TP73: variants seen among roughly 807,000 people sequenced by gnomAD.
The protein encoded by TP73 is tumor protein p73.
TP73 carries 25 observed loss-of-function variants against 62.5 expected under a neutral mutation model. That is an observed-to-expected ratio of 0.40 (90% CI 0.29 to 0.56). The LOEUF (loss-of-function observed/expected upper bound fraction) is 0.56, where lower values mean the gene tolerates loss of function less well. Ranked by LOEUF, TP73 falls within the 20% of genes least tolerant of loss-of-function variation. The pLI is 0.46. For missense variants in TP73, 754 were observed against 913.3 expected, an observed-to-expected ratio of 0.83 and a Z score of 2.25; for synonymous variants, 423 against 377.5, an observed-to-expected ratio of 1.12 and a Z score of -1.40.
Position 3,731,080 on chromosome 1 carries a change from G to A in TP73, c.1484+15G>A, listed in dbSNP as rs753823101. 2.5e-5 allele frequency: 40 copies of A among 1,607,536 alleles called. No homozygotes were observed. Among genetic ancestry groups the A allele is most frequent in the Non-Finnish European group, 3.2e-5 (38 of 1,176,946 alleles). Reference sequence around the variant, plus strand: ...AGCCTCGTCAGGTGCGTGGGCTGCCGAGGGCCTGAGCATGTGCTGTCACCC... The same window carrying A: ...AGCCTCGTCAGGTGCGTGGGCTGCCAAGGGCCTGAGCATGTGCTGTCACCC... On this transcript the variant is annotated intron_variant, in intron 12 of 13. Coordinates refer to ENST00000378295, the MANE Select transcript of TP73 (RefSeq NM_005427.4).
rs1639176274 is a variant in TP73 at position 3,701,607 on chromosome 1, C to A, written c.187-5942C>A. 6.6e-6 allele frequency among the ~76,000 whole-genome samples: 1 copy of A among 152,314 alleles called. No individual in the cohort carries two copies. Among genetic ancestry groups the A allele is most frequent in the South Asian group, 2.1e-4 (1 of 4,822 alleles). On this transcript the variant is annotated intron_variant, in intron 3 of 13. Coordinates refer to ENST00000378295, the MANE Select transcript of TP73 (RefSeq NM_005427.4). The surrounding 1 kb of genome is among the most constrained non-coding windows in gnomAD (Gnocchi z 4.7). ...GCAACCTCTGCCTCCCGGGTTCAAG[C>A]AATTCTCCTTGCTCATCCTCCCAAG...
At chr1:3,698,915 C>A (rs895658618) in intron 3 of TP73, among the ~76,000 whole-genome samples, 1 of 152,184 alleles carries the variant, frequency 6.6e-6, no homozygotes, top group African/African-American at 2.4e-5. Flanking sequence ...GCCTCGCAGT[C>A]CTGCAGACAC....
chr1:3,729,318 T>G lies in TP73; in HGVS notation c.1075-9T>G. On this transcript the variant is annotated splice_polypyrimidine_tract_variant and intron_variant, in intron 9 of 13. Coordinates refer to ENST00000378295, the MANE Select transcript of TP73 (RefSeq NM_005427.4). ...GCACGTGGGCAGAGATCTGCTCCTC[T>G]GTGCTCAGGTGCGAGGCCGGGAGAA... is the stretch of plus-strand genomic sequence containing the variant. 6.2e-7 allele frequency: 1 copy of G among 1,612,974 alleles called. No homozygotes were observed. Among genetic ancestry groups the G allele is most frequent in the Non-Finnish European group, 8.5e-7 (1 of 1,179,950 alleles).
chr1:3,688,875 G>A (rs1376383049), intron 3 of TP73, among the ~76,000 whole-genome samples: 8 of 152,132 alleles, frequency 5.3e-5, no homozygotes, highest in Non-Finnish European at 7.4e-5. Flanking sequence ...CCTTCCTCAC[G>A]TCCTTCCACT....
intron 4 of TP73, among the ~76,000 whole-genome samples, chr1:3,716,287 C>T (rs1640591032): frequency 6.6e-6 from 1 of 152,230 alleles, no homozygotes; most frequent in African/African-American, 2.4e-5. Flanking sequence ...GCAGCCCCCC[C>T]AGCCAGGAGC....
chr1:3,711,887 T>C (rs3819966), intron 4 of TP73, among the ~76,000 whole-genome samples: 1 of 114,990 alleles, frequency 8.7e-6, no homozygotes, highest in Non-Finnish European at 2.2e-5. Flanking sequence ...TGTGCACACA[T>C]GTTTGTCTTA....
intron 3 of TP73, among the ~76,000 whole-genome samples, chr1:3,689,763 A>G (rs1255646851): frequency 6.6e-6 from 1 of 152,028 alleles, no homozygotes; most frequent in Non-Finnish European, 1.5e-5. Context: ...TCAGCTCCCC[A>G]TGGATTTCTC....
At position 3,683,085 on chromosome 1, in the gene TP73, CT is replaced by C; in HGVS notation, c.93del (p.Gln33SerfsTer25). The C allele has an allele frequency of 6.2e-7, 1 of 1,611,366 alleles. No individual in the cohort carries two copies. Among genetic ancestry groups the C allele is most frequent in the Non-Finnish European group, 8.5e-7 (1 of 1,178,012 alleles). ...SLEPDSTYFDLPQSSRGNNEV... is the reference protein window; with the variant it reads ...SLEPDSTYFDXPQSSRGNNEV... Reference sequence around the variant, plus strand: ...GGAACCAGACAGCACCTACTTCGACCTTCCCCAGTCAAGCCGGGGGAATAAT... The same window carrying C: ...GGAACCAGACAGCACCTACTTCGACCTCCCCAGTCAAGCCGGGGGAATAAT... On this transcript the variant is annotated frameshift_variant, in exon 3 of 14. Transcript: ENST00000378295. LOFTEE classifies it high-confidence loss of function.
chr1:3,726,785 G>A (rs1250600175), intron 6 of TP73, among the ~76,000 whole-genome samples: 1 of 149,742 alleles, frequency 6.7e-6, no homozygotes, highest in Non-Finnish European at 1.5e-5. Flanking sequence ...TGGGTAGGTG[G>A]ATGGATGGGT....
At chr1:3,691,515 C>G (rs1391894813) in intron 3 of TP73, among the ~76,000 whole-genome samples, 1 of 152,100 alleles carries the variant, frequency 6.6e-6, no homozygotes, top group East Asian at 1.9e-4. Context: ...GGGCTTGAGG[C>G]CTCTTGCGCC....
At chr1:3,718,910 A>AT (rs1042843349) in intron 4 of TP73, among the ~76,000 whole-genome samples, 4 of 152,094 alleles carry the variant, frequency 2.6e-5, no homozygotes, top group African/African-American at 9.7e-5. Flanking sequence ...GGTGCTGAGA[A>AT]TAACGAGGGC....
intron 4 of TP73, among the ~76,000 whole-genome samples, chr1:3,717,373 G>A (rs1054041296): frequency 2.0e-5 from 3 of 152,246 alleles, no homozygotes; most frequent in Non-Finnish European, 2.9e-5. Flanking sequence ...CGTGGGGAGG[G>A]ATGGGCACAG....
At chr1:3,681,788 T>A (rs1645527726) in intron 1 of TP73, among the ~76,000 whole-genome samples, 1 of 151,818 alleles carries the variant, frequency 6.6e-6, no homozygotes, top group African/African-American at 2.4e-5. Context: ...CACCTCCAGG[T>A]CCCGGGCATC....
At chr1:3,719,892 G>T (rs985926646) in intron 4 of TP73, among the ~76,000 whole-genome samples, 1 of 70,106 alleles carries the variant, frequency 1.4e-5, no homozygotes, top group African/African-American at 4.1e-5. Context: ...TTTTCTCTTT[G>T]TGTGTGTGTG....
chr1:3,667,123 T>C (rs549665619), intron 1 of TP73, among the ~76,000 whole-genome samples: 1 of 152,206 alleles, frequency 6.6e-6, no homozygotes, highest in Admixed American at 6.5e-5. Context: ...CCAAGGAATA[T>C]GCCTGCGGAA....
rs150421796 is a variant in TP73, at chr1:3,701,141, G to T, written c.187-6408G>T. ...TTCATCCAACCAAGAGTTTCTGAGC[G>T]TCCTGTCGGTACTGGCTATCTGGAC... On this transcript the variant is annotated intron_variant, in intron 3 of 13. Coordinates refer to ENST00000378295, the MANE Select transcript of TP73 (RefSeq NM_005427.4). This position sits in a 1 kb window ranked among gnomAD's most constrained non-coding sequence, Gnocchi z 4.7. Among the ~76,000 whole-genome samples, 1 of 152,184 alleles carries T rather than the reference G, an allele frequency of 6.6e-6. No homozygotes were observed. Among genetic ancestry groups the T allele is most frequent in the African/African-American group, 2.4e-5 (1 of 41,442 alleles).
chr1:3,711,415 G>T (rs1640129271), intron 4 of TP73, among the ~76,000 whole-genome samples: 1 of 152,280 alleles, frequency 6.6e-6, no homozygotes, highest in Admixed American at 6.5e-5. Flanking sequence ...TGGACAGCTG[G>T]TTCCAGGAGG....
intron 3 of TP73, chr1:3,690,814 G>T: frequency 2.0e-6 from 3 of 1,535,320 alleles, no homozygotes; most frequent in South Asian, 2.4e-5. Flanking sequence ...GGGCGGCCAC[G>T]ACCGTGACCC....
intron 4 of TP73, among the ~76,000 whole-genome samples, chr1:3,716,400 A>G (rs985048682): frequency 1.3e-5 from 2 of 152,210 alleles, no homozygotes; most frequent in Non-Finnish European, 2.9e-5. Context: ...TGCCTGGCCC[A>G]TGGGCTGTGG....
Sources: allele counts gnomAD v4.1 joint callset (sites outside exome capture counted in the v4.1 genomes callset), GRCh38; gene constraint gnomAD v4.1.1; non-coding constraint Gnocchi (gnomAD v3.1); transcripts MANE v1.5; gene names NCBI Gene and HGNC (gene_info 2026-07-23, HGNC 2026-07-21).